PHF23: variants seen among roughly 807,000 people sequenced by gnomAD.
The protein encoded by PHF23 is PHD finger protein 23, also known as PDH-containing protein JUNE-1.
A neutral mutation model predicts 36.0 loss-of-function variants in PHF23; 3 were observed. The ratio of observed to expected loss-of-function variants is 0.08; its 90% CI spans 0.04 to 0.22. The LOEUF (loss-of-function observed/expected upper bound fraction) is 0.22, where lower values mean the gene tolerates loss of function less well. Among genes scored for constraint, PHF23 ranks in the 10% least tolerant of loss-of-function variants. PHF23 has a pLI of 1.00. For missense variants in PHF23, 475 were observed against 513.6 expected (o/e 0.92, Z 0.73); for synonymous variants, 242 against 192.5 (o/e 1.26, Z -2.13).
At position 7,236,744 on chromosome 17, in the gene PHF23, G is replaced by C. The variant is rs371010879; in HGVS notation, c.183C>G (p.Gly61=). The C allele has an allele frequency of 1.9e-6, 3 of 1,612,542 alleles. No homozygotes were observed. Among genetic ancestry groups the C allele is most frequent in the Non-Finnish European group, 8.5e-7 (1 of 1,179,344 alleles). The stretch of plus-strand genomic sequence containing the variant: ...TCTCTCCTCGCAATGGAGAGCTGGA[G>C]CCAGAGGCTGGCCAGTCACTTTCCT... ...SKEESDWPAS[G]SSSPLRGESA... Residue 61 remains glycine, a synonymous_variant, in exon 4 of 5, where the codon GGC becomes GGG. Transcript: ENST00000320316. This position sits in a 1 kb window ranked among gnomAD's most constrained non-coding sequence, Gnocchi z 5.1.
Position 7,236,475 on chromosome 17 carries a change from G to C in PHF23, c.452C>G (p.Pro151Arg), listed in dbSNP as rs747171407. The part of the protein sequence containing the change: ...DGPKVASPLS[P>R]TSLTHTSRPP... ...CCGGGAGGTATGTGTCAGGGATGTGGGGGACAAAGGAGATGCCACTTTGGG... is the reference window on the plus strand; with the variant it reads ...CCGGGAGGTATGTGTCAGGGATGTGCGGGACAAAGGAGATGCCACTTTGGG... The change falls in exon 4 of 5, where the codon CCC becomes CGC. Residue 151 changes from proline to arginine, a missense_variant. Transcript: ENST00000320316. This position sits in a 1 kb window ranked among gnomAD's most constrained non-coding sequence, Gnocchi z 5.1. 2 of 1,613,900 alleles carry C rather than the reference G, an allele frequency of 1.2e-6. No homozygotes were observed. The highest frequency in any genetic ancestry group is 1.7e-6 in the Non-Finnish European group (2 of 1,179,954).
intron 1 of PHF23, chr17:7,238,571 G>C: frequency 2.8e-6 from 3 of 1,059,196 alleles, no homozygotes; most frequent in Non-Finnish European, 3.4e-6. Flanking sequence ...CTCACCCTCA[G>C]CAACTCCCAG....
upstream of PHF23, chr17:7,239,514 C>T: frequency 2.3e-6 from 1 of 429,180 alleles, no homozygotes; most frequent in East Asian, 4.4e-5. Context: ...CCTCCTCCTC[C>T]TCCACCTCCT....
At chr17:7,237,241 C>T in intron 3 of PHF23, 144 bp downstream of exon 3, 1 of 756,380 alleles carries the variant, frequency 1.3e-6, no homozygotes, top group Non-Finnish European at 2.2e-6. Context: ...TTTCCTACCA[C>T]AGCCCTAAGA....
intron 1 of PHF23, 197 bp from the exon 2 acceptor site, chr17:7,237,857 C>CT (rs1356900072): frequency 3.5e-5 from 22 of 625,828 alleles, no homozygotes; most frequent in Non-Finnish European, 5.5e-5. Flanking sequence ...GCGGCGCCCT[C>CT]TGAGGCCTCG....
At position 7,235,767 on chromosome 17, in the gene PHF23, G is replaced by A; in HGVS notation, c.1071C>T (p.Ser357=). The A allele has an allele frequency of 6.2e-7, 1 of 1,614,142 alleles. No individual in the cohort carries two copies. Among genetic ancestry groups the A allele is most frequent in the Non-Finnish European group, 8.5e-7 (1 of 1,180,038 alleles). ...PFAGRPMIEC[S]LCGTWIHLSC... is the part of the protein sequence containing the mutation. ...AGAGGTGGATCCACGTCCCACACAG[G>A]CTGCACTCAATCATGGGCCGCCCTG... The change falls in exon 5 of 5, where the codon AGC becomes AGT. Residue 357 remains serine (S), a synonymous_variant. Coordinates refer to ENST00000320316, the MANE Select transcript of PHF23 (RefSeq NM_024297.3).
rs774789997 is a variant in PHF23, at chr17:7,239,254, C to A, written c.26G>T (p.Ser9Ile). The A allele has an allele frequency of 1.3e-6, 2 of 1,549,898 alleles. No homozygotes were observed. The highest frequency in any genetic ancestry group is 1.8e-6 in the Non-Finnish European group (2 of 1,132,240). The stretch of plus-strand genomic sequence containing the variant: ...ACCGGTCGAGAGCTCACCTTCGGGA[C>A]TGGGCTCCGCCATGGCTTCCAGCAT... The part of the protein sequence containing the change: MLEAMAEP[S>I]PEDPPPTLKP... Residue 9 changes from serine to isoleucine, a missense_variant, in exon 1 of 5, where the codon AGT becomes ATT. Physicochemically the swap from Ser to Ile is moderately radical, Grantham distance 142. Coordinates refer to ENST00000320316, the MANE Select transcript of PHF23 (RefSeq NM_024297.3).
At chr17:7,238,834 C>G in intron 1 of PHF23, 1 of 1,534,160 alleles carries the variant, frequency 6.5e-7, no homozygotes, top group South Asian at 1.2e-5. Context: ...CTCGGAGCTC[C>G]GGTACCACCG....
intron 1 of PHF23, 156 bp from the exon 2 acceptor site, chr17:7,237,816 C>A (rs958354912): frequency 7.3e-6 from 6 of 824,344 alleles, no homozygotes; most frequent in Non-Finnish European, 9.5e-6. Flanking sequence ...CCCGGCTCCC[C>A]CTTCCGCCCC....
chr17:7,240,058 G>A (rs2071760182), upstream of PHF23: 1 of 152,154 alleles, frequency 6.6e-6, no homozygotes, highest in African/African-American at 2.4e-5. Context: ...AAATATCTTA[G>A]TTAGAATGTT....
intron 1 of PHF23, chr17:7,238,349 G>C (rs1333568922): frequency 1.4e-5 from 2 of 144,288 alleles, no homozygotes; most frequent in African/African-American, 7.7e-5. Flanking sequence ...CCCATCCGGG[G>C]CTTTGGCCCC....
chr17:7,238,640 C>T (rs1214290197), intron 1 of PHF23: 3 of 525,648 alleles, frequency 5.7e-6, no homozygotes, highest in Non-Finnish European at 6.5e-6. Context: ...CGGTCTTAAC[C>T]CCCCCCACCC....
rs1401385851 is a variant in PHF23, at chr17:7,236,026, T to C, written c.901A>G (p.Lys301Glu). The C allele has an allele frequency of 6.2e-7, 1 of 1,614,018 alleles. No homozygotes were observed. Among genetic ancestry groups the C allele is most frequent in the Non-Finnish European group, 8.5e-7 (1 of 1,179,940 alleles). ...CTTGTTTCAGTGCTGCCCACCTCCT[T>C]GCTTTCACTGTCAGCAGGAGGGACT... ...EGVPPADSES[K>E]EVGSTETSQD... is the part of the protein sequence containing the mutation. Residue 301 changes from lysine to glutamate, a missense_variant, in exon 4 of 5, where the codon AAG (lysine) becomes GAG (glutamate). Transcript: ENST00000320316. The surrounding 1 kb of genome is among the most constrained non-coding windows in gnomAD (Gnocchi z 5.1).
intron 3 of PHF23, among the ~76,000 whole-genome samples, 181 bp downstream of exon 3, chr17:7,237,204 C>T (rs902498465): frequency 1.8e-4 from 28 of 152,148 alleles, no homozygotes; most frequent in Admixed American, 1.8e-3. Flanking sequence ...GCTAGCTATC[C>T]CGGCCATCCA....
intron 3 of PHF23, among the ~76,000 whole-genome samples, chr17:7,237,034 G>A (rs1040661515): frequency 6.6e-6 from 1 of 152,110 alleles, no homozygotes; most frequent in African/African-American, 2.4e-5. Context: ...CCAGACCGGA[G>A]CCGTTATGTC....
At chr17:7,238,885 C>A in intron 1 of PHF23, 1 of 1,533,848 alleles carries the variant, frequency 6.5e-7, no homozygotes, top group Non-Finnish European at 8.7e-7. Flanking sequence ...GGGCCCCTCA[C>A]TCAGCCTCTT....
In PHF23 at chr17:7,236,881, C is replaced by T. The variant is rs1274134639; in HGVS notation, c.160-114G>A. ...TTACCCCAAAATGTCCTACCTCAAC[C>T]ACTAAATCCCACTGTACTCCAAAAA... On this transcript the variant is annotated intron_variant, in intron 3 of 4. Coordinates refer to ENST00000320316, the MANE Select transcript of PHF23 (RefSeq NM_024297.3). This position sits in a 1 kb window ranked among gnomAD's most constrained non-coding sequence, Gnocchi z 5.1. The T allele has an allele frequency of 1.0e-5, 15 of 1,457,454 alleles. No homozygotes were observed. Among genetic ancestry groups the T allele is most frequent in the Non-Finnish European group, 1.3e-5 (15 of 1,113,734 alleles). The allele number at this position is 1,457,454 out of a possible 1,614,324, so 90.3% of individuals were successfully genotyped here.
At chr17:7,238,562 T>G in intron 1 of PHF23, 1 of 934,858 alleles carries the variant, frequency 1.1e-6, no homozygotes, top group Non-Finnish European at 1.2e-6. Flanking sequence ...GATGCCCCCC[T>G]CACCCTCAGC....
chr17:7,235,579 C>A lies in PHF23; in HGVS notation c.*47G>T. 6.3e-7 allele frequency: 1 copy of A among 1,590,484 alleles called. No homozygotes were observed. The highest frequency in any genetic ancestry group is 1.1e-5 in the South Asian group (1 of 90,242). On this transcript the variant is annotated 3_prime_UTR_variant, in exon 5 of 5. Coordinates refer to ENST00000320316, the MANE Select transcript of PHF23 (RefSeq NM_024297.3). ...AGGCTGAGGACCCTGAGGCTCAGTT[C>A]CCAAATCATGTTGTCATTTGGAAGT...
Sources: allele counts gnomAD v4.1 joint callset (sites outside exome capture counted in the v4.1 genomes callset), GRCh38; gene constraint gnomAD v4.1.1; non-coding constraint Gnocchi (gnomAD v3.1); transcripts MANE v1.5; gene names NCBI Gene and HGNC (gene_info 2026-07-23, HGNC 2026-07-21).